The following RSRC1 variants were observed in gnomAD, a reference collection of about 807,000 sequenced individuals.
RSRC1 encodes the protein arginine and serine rich coiled-coil 1.
Under a neutral mutation model 49.1 loss-of-function variants are expected in RSRC1, and 39 were observed. The observed-to-expected ratio is 0.79, with a 90% CI of 0.61 to 1.04. RSRC1 has a LOEUF of 1.04. RSRC1 is among the 50% of genes least tolerant of loss of function. The pLI is 0.00. For missense variants in RSRC1, 388 were observed against 402.4 expected, an observed-to-expected ratio of 0.96 and a Z score of 0.31; for synonymous variants, 143 against 130.8, an observed-to-expected ratio of 1.09 and a Z score of -0.63.
At chr3:158,315,097 A>C (rs1023807808) in intron 5 of RSRC1, among the ~76,000 whole-genome samples, 5 of 152,062 alleles carry the variant, frequency 3.3e-5, no homozygotes, top group African/African-American at 1.2e-4. Flanking sequence ...TCAAAATGTT[A>C]CTTAATGTGC....
At chr3:158,267,957 T>C (rs1259713882) in intron 4 of RSRC1, among the ~76,000 whole-genome samples, 2 of 151,794 alleles carry the variant, frequency 1.3e-5, no homozygotes, top group African/African-American at 4.8e-5. Flanking sequence ...TTTTGTACTT[T>C]TCTCACCTGA....
At chr3:158,413,001 A>G (rs12637649) in intron 6 of RSRC1, among the ~76,000 whole-genome samples, 33,055 of 152,106 alleles carry the variant, frequency 0.22, 4,204 homozygotes, top group Non-Finnish European at 0.29. Context: ...TTTAAAATTC[A>G]TATGGAACCA....
At chr3:158,387,287 G>A (rs1419230274) in intron 6 of RSRC1, among the ~76,000 whole-genome samples, 2 of 151,996 alleles carry the variant, frequency 1.3e-5, no homozygotes, top group African/African-American at 4.8e-5. Flanking sequence ...CTCCCTTTGG[G>A]ATTTATCTAT....
At chr3:158,459,218 A>G (rs919075137) in intron 6 of RSRC1, among the ~76,000 whole-genome samples, 9 of 152,178 alleles carry the variant, frequency 5.9e-5, no homozygotes, top group Admixed American at 4.6e-4. Context: ...GCAGTTTAAA[A>G]AAAACATATA....
At chr3:158,378,240 G>A (rs1732483043) in intron 6 of RSRC1, among the ~76,000 whole-genome samples, 1 of 152,072 alleles carries the variant, frequency 6.6e-6, no homozygotes, top group Admixed American at 6.5e-5. Flanking sequence ...ACCTCATTGA[G>A]CATAGTTATA....
At chr3:158,397,245 T>C (rs1733662111) in intron 6 of RSRC1, among the ~76,000 whole-genome samples, 1 of 152,178 alleles carries the variant, frequency 6.6e-6, no homozygotes, top group African/African-American at 2.4e-5. Flanking sequence ...GACTAACCAA[T>C]ACAAATAACT....
chr3:158,488,065 G>A (rs1053873051), intron 7 of RSRC1, among the ~76,000 whole-genome samples: 48 of 149,238 alleles, frequency 3.2e-4, no homozygotes, highest in Non-Finnish European at 6.2e-4. Context: ...AAATATTCTT[G>A]ATGGCAAAGA....
intron 5 of RSRC1, among the ~76,000 whole-genome samples, chr3:158,306,801 C>G (rs1170199349): frequency 1.3e-5 from 2 of 151,794 alleles, no homozygotes; most frequent in Admixed American, 6.6e-5. Flanking sequence ...TATATCATAT[C>G]ATCGTATTAT....
chr3:158,258,208 CTTTTTTTTTTTTTT>C (rs71144451), intron 4 of RSRC1, among the ~76,000 whole-genome samples: 5 of 65,778 alleles, frequency 7.6e-5, no homozygotes, highest in African/African-American at 1.2e-4. Context: ...TCCTTTTAAC[CTTTTTTTTTTTTTT>C]TTTTTTTTTT....
chr3:158,121,014 T>G (rs1458964251), intron 1 of RSRC1, among the ~76,000 whole-genome samples: 1 of 151,826 alleles, frequency 6.6e-6, no homozygotes, highest in Non-Finnish European at 1.5e-5. Context: ...TGTTGTATAC[T>G]AAATGTCCGT....
chr3:158,256,939 C>T (rs1378684711), intron 4 of RSRC1, among the ~76,000 whole-genome samples: 4 of 151,982 alleles, frequency 2.6e-5, no homozygotes, highest in African/African-American at 4.8e-5. Context: ...TTTTTTATTG[C>T]ACCTATTTAA....
At chr3:158,309,370 T>G (rs556445210) in intron 5 of RSRC1, among the ~76,000 whole-genome samples, 57 of 151,804 alleles carry the variant, frequency 3.8e-4, no homozygotes, top group Non-Finnish European at 7.2e-4. Context: ...TATTTTCAAG[T>G]CCTCAAATTA....
At chr3:158,511,457 A>G (rs1560070254) in intron 7 of RSRC1, among the ~76,000 whole-genome samples, 1 of 152,094 alleles carries the variant, frequency 6.6e-6, no homozygotes, top group African/African-American at 2.4e-5. Flanking sequence ...TGAACTCATC[A>G]TTTTTTATGG....
intron 3 of RSRC1, among the ~76,000 whole-genome samples, chr3:158,172,306 A>G (rs1181231456): frequency 6.6e-6 from 1 of 152,212 alleles, no homozygotes; most frequent in Non-Finnish European, 1.5e-5. Context: ...AATTATTTTA[A>G]CTGTTCACAA....
chr3:158,130,615 A>C (rs1715953933), intron 3 of RSRC1, among the ~76,000 whole-genome samples: 1 of 152,164 alleles, frequency 6.6e-6, no homozygotes, highest in African/African-American at 2.4e-5. Context: ...AATTTTAAGT[A>C]GTATTTTAAA....
intron 4 of RSRC1, among the ~76,000 whole-genome samples, chr3:158,209,789 ATAATT>A (rs1553769383): frequency 6.6e-6 from 1 of 152,102 alleles, no homozygotes; most frequent in Non-Finnish European, 1.5e-5. Flanking sequence ...CTCTGGATAT[ATAATT>A]TATTTTTCTA....
chr3:158,219,504 A>G (rs964042495), intron 4 of RSRC1, among the ~76,000 whole-genome samples: 7 of 151,726 alleles, frequency 4.6e-5, no homozygotes, highest in Admixed American at 2.0e-4. Context: ...GTTTCTTTAT[A>G]TAAAATTATA....
chr3:158,492,756 G>A (rs116080158), intron 7 of RSRC1, among the ~76,000 whole-genome samples: 3,380 of 152,212 alleles, frequency 0.022, 52 homozygotes, highest in Non-Finnish European at 0.036. Flanking sequence ...GTAAGGAATC[G>A]TCAAGATCAT....
chr3:158,469,059 T>C (rs1315683037), intron 7 of RSRC1, among the ~76,000 whole-genome samples: 4 of 152,110 alleles, frequency 2.6e-5, no homozygotes, highest in Non-Finnish European at 5.9e-5. Flanking sequence ...GGAGAGAATA[T>C]ATCACACAAA....
Sources: allele counts gnomAD v4.1 joint callset (sites outside exome capture counted in the v4.1 genomes callset), GRCh38; gene constraint gnomAD v4.1.1; transcripts MANE v1.5; gene names NCBI Gene and HGNC (gene_info 2026-07-23, HGNC 2026-07-21).